KIAA1217: variants seen among roughly 807,000 people sequenced by gnomAD.
KIAA1217 encodes sickle tail protein homolog.
KIAA1217 carries 88 observed loss-of-function variants against 163.9 expected under a neutral mutation model. That is an observed-to-expected ratio of 0.54 (90% confidence interval 0.45 to 0.64). The LOEUF is 0.64. Ranked by LOEUF, KIAA1217 falls within the 30% of genes least tolerant of loss-of-function variation. The pLI is 0.00. For synonymous variants in KIAA1217, 903 were observed against 923.1 expected (o/e 0.98, Z 0.39); for missense variants, 2,372 against 2,475.0 (o/e 0.96, Z 0.88).
chr10:24,541,904 T>C (rs550035867), intron 17 of KIAA1217, among the ~76,000 whole-genome samples: 3 of 152,298 alleles, frequency 2.0e-5, no homozygotes, highest in African/African-American at 7.2e-5. Flanking sequence ...AACAGCATGA[T>C]GGATATGAAC....
intron 2 of KIAA1217, among the ~76,000 whole-genome samples, chr10:24,014,428 C>T (rs1250191051): frequency 6.6e-6 from 1 of 152,056 alleles, no homozygotes; most frequent in Non-Finnish European, 1.5e-5. Context: ...AGAGAGTACA[C>T]TACTTCAAAA....
intron 2 of KIAA1217, among the ~76,000 whole-genome samples, chr10:24,171,602 C>T (rs932817516): frequency 2.0e-5 from 3 of 152,036 alleles, no homozygotes; most frequent in Non-Finnish European, 4.4e-5. Context: ...GCTGGGAGTT[C>T]GAGACCAGCC....
chr10:23,928,630 G>A (rs1011872322), intron 1 of KIAA1217, among the ~76,000 whole-genome samples: 2 of 152,158 alleles, frequency 1.3e-5, no homozygotes, highest in East Asian at 1.9e-4. Flanking sequence ...AACGGTCAAT[G>A]AGCAAGGAAT....
intron 1 of KIAA1217, among the ~76,000 whole-genome samples, chr10:23,818,676 C>T (rs922431787): frequency 3.9e-5 from 6 of 152,058 alleles, no homozygotes; most frequent in South Asian, 2.1e-4. Context: ...ACAGCACAGG[C>T]GACCAGAATC....
intron 1 of KIAA1217, among the ~76,000 whole-genome samples, chr10:23,931,443 G>A (rs780158118): frequency 3.9e-5 from 6 of 152,118 alleles, no homozygotes; most frequent in Non-Finnish European, 8.8e-5. Context: ...ACTGTGTCAA[G>A]GCCATCCCAT....
At chr10:24,051,978 T>G (rs748787432) in intron 2 of KIAA1217, among the ~76,000 whole-genome samples, 4 of 152,202 alleles carry the variant, frequency 2.6e-5, no homozygotes, top group African/African-American at 4.8e-5. Context: ...TTTATTTATC[T>G]TTGTTTTTGT....
At position 24,328,500 on chromosome 10, in the gene KIAA1217, GTT is replaced by G. The variant is rs11304905; in HGVS notation, c.355-52359_355-52358del. On this transcript the variant is annotated intron_variant, in intron 2 of 20. Coordinates refer to ENST00000376454, the MANE Select transcript of KIAA1217 (RefSeq NM_019590.5). ...TAAGACTGGGGCGATCAGTTTTTAT[GTT>G]TTTTTTTTTCAAAAGAAACCATAAA... Among the ~76,000 whole-genome samples, 791 of 148,726 alleles carry G rather than the reference GTT, an allele frequency of 5.3e-3. 3 individuals are homozygous for G. The highest frequency in any genetic ancestry group is 8.8e-3 in the Non-Finnish European group (594 of 67,174).
intron 2 of KIAA1217, among the ~76,000 whole-genome samples, chr10:24,163,500 A>G (rs2065211502): frequency 6.6e-6 from 1 of 152,180 alleles, no homozygotes; most frequent in Admixed American, 6.5e-5. Context: ...TTTTCCAATG[A>G]GTTTCCCTTG....
At chr10:24,123,916 C>A (rs1403194603) in intron 2 of KIAA1217, among the ~76,000 whole-genome samples, 1 of 152,082 alleles carries the variant, frequency 6.6e-6, no homozygotes, top group African/African-American at 2.4e-5. Flanking sequence ...GCATTGAGAA[C>A]TGTGTTATAT....
At chr10:23,704,427 A>G (rs1008394211) in intron 1 of KIAA1217, among the ~76,000 whole-genome samples, 1 of 150,938 alleles carries the variant, frequency 6.6e-6, no homozygotes, top group Non-Finnish European at 1.5e-5. Flanking sequence ...CCTAAAAGAA[A>G]CTCCCCTACC....
chr10:24,213,835 G>T (rs11013974), intron 1 of KIAA1217, among the ~76,000 whole-genome samples: 1 of 151,646 alleles, frequency 6.6e-6, no homozygotes, highest in Admixed American at 6.6e-5. Flanking sequence ...ATAATGACCT[G>T]GTTTCAGCTG....
intron 1 of KIAA1217, among the ~76,000 whole-genome samples, chr10:23,951,901 A>G (rs1589133935): frequency 6.6e-6 from 1 of 152,166 alleles, no homozygotes; most frequent in African/African-American, 2.4e-5. Context: ...TTGTTTTTCT[A>G]TGTGGTATAG....
At chr10:24,514,973 C>T (rs1010115753) in intron 10 of KIAA1217, among the ~76,000 whole-genome samples, 1 of 151,618 alleles carries the variant, frequency 6.6e-6, no homozygotes, top group Admixed American at 6.6e-5. Context: ...GCCTGGGCAA[C>T]AGAGCACAAC....
chr10:23,962,196 C>T (rs995850390), intron 1 of KIAA1217, among the ~76,000 whole-genome samples: 2 of 152,134 alleles, frequency 1.3e-5, no homozygotes, highest in African/African-American at 4.8e-5. Flanking sequence ...AAATGTAGGC[C>T]CTAGAGTTGA....
At chr10:24,431,485 C>G (rs2059598976) in intron 3 of KIAA1217, among the ~76,000 whole-genome samples, 1 of 152,100 alleles carries the variant, frequency 6.6e-6, no homozygotes, top group Non-Finnish European at 1.5e-5. Flanking sequence ...TGGGGTAGCT[C>G]ACCTGGGGCT....
At chr10:23,734,814 C>T (rs991541028) in intron 1 of KIAA1217, among the ~76,000 whole-genome samples, 4 of 149,940 alleles carry the variant, frequency 2.7e-5, no homozygotes, top group Admixed American at 2.0e-4. Context: ...CATTTATTTA[C>T]CTTTATTTTA....
Position 24,331,833 on chromosome 10 carries a change from C to T in KIAA1217, c.355-49036C>T, listed in dbSNP as rs1178017274. On this transcript the variant is annotated intron_variant, in intron 2 of 20. Transcript: ENST00000376454. ...ATTTATTTGGAGAGGGAGTTTTGCT[C>T]TTGTTGCCCAGGCTGGAGTGCAATG... Among the ~76,000 whole-genome samples, 3 of 152,066 alleles carry T rather than the reference C, an allele frequency of 2.0e-5. No homozygotes were observed. In the East Asian group the frequency reaches 5.8e-4, roughly 29 times the overall value.
chr10:24,148,216 T>A (rs2064429293), intron 2 of KIAA1217, among the ~76,000 whole-genome samples: 1 of 152,188 alleles, frequency 6.6e-6, no homozygotes, highest in South Asian at 2.1e-4. Context: ...ATGAATAGAT[T>A]TAAAATTTTT....
At chr10:23,736,531 A>G (rs911975430) in intron 1 of KIAA1217, among the ~76,000 whole-genome samples, 1 of 152,146 alleles carries the variant, frequency 6.6e-6, no homozygotes, top group Non-Finnish European at 1.5e-5. Flanking sequence ...GTTGTTTTTT[A>G]GAGATTTTAG....
Sources: allele counts gnomAD v4.1 joint callset (sites outside exome capture counted in the v4.1 genomes callset), GRCh38; gene constraint gnomAD v4.1.1; transcripts MANE v1.5; gene names NCBI Gene and HGNC (gene_info 2026-07-23, HGNC 2026-07-21).